Variants in TMEM132D observed in about 807,000 individuals in gnomAD.
TMEM132D encodes transmembrane protein 132D.
TMEM132D carries 21 observed loss-of-function variants against 62.3 expected under a neutral mutation model. The ratio of observed to expected loss-of-function variants is 0.34; its 90% CI spans 0.24 to 0.49. TMEM132D has a LOEUF of 0.49. Ranked by LOEUF, TMEM132D falls within the 20% of genes least tolerant of loss-of-function variation. The probability of loss-of-function intolerance (pLI) is 0.99; values close to 1 mark genes in which losing one functional copy is unlikely to be tolerated. For synonymous variants in TMEM132D, 621 were observed against 575.6 expected, an observed-to-expected ratio of 1.08 and a Z score of -1.13; for missense variants, 1,346 against 1,402.8, an observed-to-expected ratio of 0.96 and a Z score of 0.65.
intron 5 of TMEM132D, among the ~76,000 whole-genome samples, chr12:129,153,524 C>G (rs923920937): frequency 1.3e-5 from 2 of 152,112 alleles, no homozygotes; most frequent in Admixed American, 1.3e-4. Context: ...GCAGTACATA[C>G]TAATTATTTC....
intron 1 of TMEM132D, among the ~76,000 whole-genome samples, chr12:129,805,774 A>C: frequency 6.7e-6 from 1 of 148,984 alleles, no homozygotes; most frequent in East Asian, 2.0e-4. Flanking sequence ...AATGGGAGAA[A>C]ATTTTCGCAA....
chr12:129,398,719 C>T (rs1474191957), intron 3 of TMEM132D, among the ~76,000 whole-genome samples: 1 of 152,132 alleles, frequency 6.6e-6, no homozygotes, highest in South Asian at 2.1e-4. Flanking sequence ...ACATCCTAGC[C>T]ACCAAGCAAT....
At chr12:129,270,126 G>GT (rs758633084) in intron 4 of TMEM132D, among the ~76,000 whole-genome samples, 12 of 152,200 alleles carry the variant, frequency 7.9e-5, no homozygotes, top group Non-Finnish European at 1.5e-4. Context: ...CTCGGTTCCA[G>GT]TGTCCTGTAT....
intron 5 of TMEM132D, among the ~76,000 whole-genome samples, chr12:129,199,650 C>T (rs1016094728): frequency 6.6e-6 from 1 of 152,160 alleles, no homozygotes; most frequent in Non-Finnish European, 1.5e-5. Context: ...TTAATGGACT[C>T]ACAGTTCCAC....
chr12:129,137,129 AT>A (rs1315657975), intron 5 of TMEM132D, among the ~76,000 whole-genome samples: 5 of 139,620 alleles, frequency 3.6e-5, no homozygotes, highest in Non-Finnish European at 6.3e-5. Context: ...CACCATCATC[AT>A]CACCATCACT....
At chr12:129,533,922 A>G (rs549796583) in intron 2 of TMEM132D, among the ~76,000 whole-genome samples, 85 of 152,328 alleles carry the variant, frequency 5.6e-4, no homozygotes, top group Middle Eastern at 3.4e-3. Flanking sequence ...AGGAAAATCT[A>G]TGTAATAAAC....
At chr12:129,890,485 G>A (rs1458354756) in intron 1 of TMEM132D, among the ~76,000 whole-genome samples, 1 of 152,162 alleles carries the variant, frequency 6.6e-6, no homozygotes, top group East Asian at 1.9e-4. Flanking sequence ...GGTACTCAAG[G>A]AGTCTAGCTG....
chr12:129,531,884 C>A (rs1207682979), intron 2 of TMEM132D, among the ~76,000 whole-genome samples: 1 of 152,074 alleles, frequency 6.6e-6, no homozygotes, highest in Non-Finnish European at 1.5e-5. Flanking sequence ...AATGAAACCC[C>A]ATCTCAACTA....
At chr12:129,164,752 TG>T (rs1030659724) in intron 5 of TMEM132D, among the ~76,000 whole-genome samples, 13 of 152,236 alleles carry the variant, frequency 8.5e-5, no homozygotes, top group Admixed American at 7.8e-4. Flanking sequence ...AAGAACAACA[TG>T]GGGGAAACTG....
chr12:129,395,852 T>C (rs1293375352), intron 3 of TMEM132D, among the ~76,000 whole-genome samples: 2 of 147,440 alleles, frequency 1.4e-5, no homozygotes, highest in East Asian at 1.9e-4. Flanking sequence ...TATTGATACA[T>C]TGATATGTAC....
intron 2 of TMEM132D, among the ~76,000 whole-genome samples, chr12:129,650,337 C>G (rs933724577): frequency 2.9e-4 from 44 of 152,286 alleles, no homozygotes; most frequent in African/African-American, 8.7e-4. Flanking sequence ...ATGAATATTG[C>G]ATGATTCAGA....
At chr12:129,628,117 A>G (rs1446308074) in intron 2 of TMEM132D, among the ~76,000 whole-genome samples, 1 of 152,166 alleles carries the variant, frequency 6.6e-6, no homozygotes, top group Admixed American at 6.5e-5. Context: ...AATTCACTAG[A>G]AATCATTTGG....
chr12:129,603,826 C>G (rs1340889115), intron 2 of TMEM132D, among the ~76,000 whole-genome samples: 1 of 152,120 alleles, frequency 6.6e-6, no homozygotes, highest in Non-Finnish European at 1.5e-5. Context: ...TGCGTATATA[C>G]CCAAAGGACT....
chr12:129,782,411 T>G (rs562638680), intron 1 of TMEM132D, among the ~76,000 whole-genome samples: 2 of 152,336 alleles, frequency 1.3e-5, no homozygotes, highest in South Asian at 4.1e-4. Context: ...ACAAGTTGAT[T>G]TACCTTTCTG....
intron 2 of TMEM132D, among the ~76,000 whole-genome samples, chr12:129,568,391 G>C (rs1247428055): frequency 6.6e-6 from 1 of 152,182 alleles, no homozygotes. Flanking sequence ...TGGAACTAGA[G>C]GAGAGTTTCA....
intron 4 of TMEM132D, among the ~76,000 whole-genome samples, chr12:129,216,495 G>A (rs1488220988): frequency 6.6e-6 from 1 of 152,148 alleles, no homozygotes; most frequent in Non-Finnish European, 1.5e-5. Flanking sequence ...AGATTGGGGT[G>A]ATCCATCCGT....
intron 4 of TMEM132D, among the ~76,000 whole-genome samples, chr12:129,268,606 C>T (rs1450013913): frequency 5.3e-5 from 8 of 152,132 alleles, no homozygotes; most frequent in African/African-American, 1.7e-4. Context: ...ACTAGTTCAA[C>T]CATTGTGGAA....
At chr12:129,237,033 G>A (rs1879804779) in intron 4 of TMEM132D, among the ~76,000 whole-genome samples, 1 of 151,946 alleles carries the variant, frequency 6.6e-6, no homozygotes, top group African/African-American at 2.4e-5. Flanking sequence ...CACATTAATT[G>A]GTTTGCATAT....
intron 1 of TMEM132D, among the ~76,000 whole-genome samples, chr12:129,733,792 C>G (rs74835482): frequency 0.017 from 2,580 of 152,138 alleles, 107 homozygotes; most frequent in East Asian, 0.13. Flanking sequence ...AGTCGCTGGG[C>G]AGGTGATGAG....
Sources: allele counts gnomAD v4.1 joint callset (sites outside exome capture counted in the v4.1 genomes callset), GRCh38; gene constraint gnomAD v4.1.1; transcripts MANE v1.5; gene names NCBI Gene and HGNC (gene_info 2026-07-23, HGNC 2026-07-21).